Variants in VAT1L observed in about 807,000 individuals in gnomAD.
The protein encoded by VAT1L is putative NADPH-dependent quinone oxidoreductase VAT1L.
VAT1L carries 34 observed loss-of-function variants against 44.1 expected under a neutral mutation model. The observed-to-expected ratio is 0.77, with a 90% CI of 0.59 to 1.03. The LOEUF is 1.03. VAT1L is among the 50% of genes least tolerant of loss of function. VAT1L has a pLI of 0.00. For synonymous variants in VAT1L, 253 were observed against 202.2 expected (o/e 1.25, Z -2.13); for missense variants, 615 against 538.8 (o/e 1.14, Z -1.40).
intron 7 of VAT1L, among the ~76,000 whole-genome samples, chr16:77,946,093 C>G (rs1490197101): frequency 6.6e-6 from 1 of 152,006 alleles, no homozygotes; most frequent in Non-Finnish European, 1.5e-5. Flanking sequence ...AGCTACCACA[C>G]CCGGCCAGGG....
chr16:77,966,853 C>T (rs1299015554), intron 7 of VAT1L, among the ~76,000 whole-genome samples: 1 of 147,302 alleles, frequency 6.8e-6, no homozygotes, highest in Non-Finnish European at 1.5e-5. Flanking sequence ...TGACTAGTGG[C>T]TATAGGATTA....
At chr16:77,900,892 G>A (rs2142475779) in intron 7 of VAT1L, among the ~76,000 whole-genome samples, 1 of 152,106 alleles carries the variant, frequency 6.6e-6, no homozygotes, top group South Asian at 2.1e-4. Flanking sequence ...GAGCCTTTAT[G>A]AGCAAATTAA....
At chr16:77,953,619 C>A (rs560135116) in intron 7 of VAT1L, among the ~76,000 whole-genome samples, 2 of 152,070 alleles carry the variant, frequency 1.3e-5, no homozygotes, top group Admixed American at 6.6e-5. Context: ...CAGCTCACTG[C>A]GGTCTCGAAC....
rs11415182 is a variant in VAT1L at position 77,951,840 on chromosome 16, T to TAA, written c.1078-19998_1078-19997dup. On this transcript the variant is annotated intron_variant, in intron 7 of 8. Coordinates refer to ENST00000302536, the MANE Select transcript of VAT1L (RefSeq NM_020927.3). The stretch of plus-strand genomic sequence containing the variant: ...TTTACAACTTTTAAAAGTTTAAAAT[T>TAA]AAAAAAAAAAAAACACGAAAAAACA... Among the ~76,000 whole-genome samples the TAA allele has an allele frequency of 4.4e-3, 637 of 146,062 alleles. 5 individuals carry two copies. The highest frequency in any genetic ancestry group is 9.1e-3 in the African/African-American group (356 of 39,224).
chr16:77,948,640 ATTTTTTCCTTC>A (rs2142520935), intron 7 of VAT1L, among the ~76,000 whole-genome samples: 1 of 152,058 alleles, frequency 6.6e-6, no homozygotes, highest in South Asian at 2.1e-4. Flanking sequence ...TATTTGGTTG[ATTTTTTCCTTC>A]ATTGCCTTCC....
At chr16:77,886,073 G>C (rs2017206250) in intron 7 of VAT1L, among the ~76,000 whole-genome samples, 1 of 152,180 alleles carries the variant, frequency 6.6e-6, no homozygotes, top group South Asian at 2.1e-4. Flanking sequence ...CCACATTCCA[G>C]AGAAGGATAA....
Position 77,889,489 on chromosome 16 carries a change from G to C in VAT1L, c.1077+4687G>C, listed in dbSNP as rs141972521. 2.0e-3 allele frequency among the ~76,000 whole-genome samples: 303 copies of C among 152,190 alleles called. 1 individual carries two copies. Among genetic ancestry groups the C allele is most frequent in the African/African-American group, 6.8e-3 (282 of 41,540 alleles). ...CAGTGTTGAGAGCCTACTGTGTGCTGTGTGCTAATCCTCTTTTAGGATATT... is the reference window on the plus strand; with the variant it reads ...CAGTGTTGAGAGCCTACTGTGTGCTCTGTGCTAATCCTCTTTTAGGATATT... On this transcript the variant is annotated intron_variant, in intron 7 of 8. Transcript: ENST00000302536.
At chr16:77,847,249 C>T (rs1279639517) in intron 3 of VAT1L, among the ~76,000 whole-genome samples, 4 of 151,612 alleles carry the variant, frequency 2.6e-5, no homozygotes, top group Admixed American at 2.6e-4. Context: ...TAAACTATGA[C>T]TGATGTGCCT....
intron 3 of VAT1L, among the ~76,000 whole-genome samples, chr16:77,833,268 G>A (rs2016600260): frequency 6.6e-6 from 1 of 152,160 alleles, no homozygotes; most frequent in Non-Finnish European, 1.5e-5. Flanking sequence ...TAGTCACATG[G>A]ATAACTTTGC....
chr16:77,841,421 T>C (rs2016704367), intron 3 of VAT1L, among the ~76,000 whole-genome samples: 1 of 152,234 alleles, frequency 6.6e-6, no homozygotes, highest in Non-Finnish European at 1.5e-5. Flanking sequence ...AATGTTCATA[T>C]ATAACTCTCT....
intron 2 of VAT1L, 121 bp downstream of exon 2, chr16:77,817,171 T>C: frequency 7.1e-7 from 1 of 1,401,024 alleles, no homozygotes; most frequent in Non-Finnish European, 9.6e-7. Flanking sequence ...ATTGTCTTCT[T>C]ATTTGGACTG....
intron 8 of VAT1L, among the ~76,000 whole-genome samples, chr16:77,975,248 C>G (rs1222103481): frequency 1.6e-5 from 2 of 126,056 alleles, no homozygotes; most frequent in Non-Finnish European, 3.2e-5. Flanking sequence ...CTCATTCTGT[C>G]ACCCAGGCTG....
intron 7 of VAT1L, among the ~76,000 whole-genome samples, chr16:77,947,447 G>C (rs191784545): frequency 3.3e-5 from 5 of 152,114 alleles, no homozygotes; most frequent in Non-Finnish European, 7.4e-5. Flanking sequence ...GTCTCACCCC[G>C]CCAGCCTCCA....
intron 8 of VAT1L, among the ~76,000 whole-genome samples, chr16:77,976,785 C>G (rs1208460680): frequency 6.6e-6 from 1 of 152,102 alleles, no homozygotes; most frequent in African/African-American, 2.4e-5. Context: ...GTAATGATGG[C>G]GGAAATGAAG....
At chr16:77,938,427 T>C (rs545015746) in intron 7 of VAT1L, among the ~76,000 whole-genome samples, 2 of 152,346 alleles carry the variant, frequency 1.3e-5, no homozygotes, top group African/African-American at 4.8e-5. Context: ...TGTGTCCTCA[T>C]CAAATCTCAT....
rs529530836 is a variant in VAT1L at position 77,791,471 on chromosome 16, G to C, written c.233+2556G>C. ...TGGACCCTTTTTCATTAATGCGCCA[G>C]TGAGATGGGTATTTTTCCTACAGAA... On this transcript the variant is annotated intron_variant, in intron 1 of 8. Transcript: ENST00000302536. Among the ~76,000 whole-genome samples, 48 of 152,322 alleles carry C rather than the reference G, an allele frequency of 3.2e-4. 1 individual carries two copies. Among genetic ancestry groups the C allele is most frequent in the African/African-American group, 1.2e-3 (48 of 41,582 alleles).
At position 77,972,438 on chromosome 16, in the gene VAT1L, C is replaced by T. The variant is rs144914893; in HGVS notation, c.1161+505C>T. Among the ~76,000 whole-genome samples the T allele has an allele frequency of 2.8e-3, 419 of 152,316 alleles. 2 individuals carry two copies. The highest frequency in any genetic ancestry group is 9.0e-3 in the African/African-American group (372 of 41,552). On this transcript the variant is annotated intron_variant, in intron 8 of 8. Transcript: ENST00000302536. ...ACTGAAGTGATCCTCCCACCTCAGC[C>T]TCTTGAGCAGCTGAGACTACAGGAG...
intron 8 of VAT1L, among the ~76,000 whole-genome samples, chr16:77,974,006 C>T (rs951862088): frequency 2.6e-5 from 4 of 152,158 alleles, no homozygotes; most frequent in Admixed American, 6.5e-5. Context: ...CATGAGCCAC[C>T]GCACCCGGCC....
intron 3 of VAT1L, among the ~76,000 whole-genome samples, chr16:77,844,902 T>C (rs1438080060): frequency 6.6e-6 from 1 of 152,104 alleles, no homozygotes; most frequent in Admixed American, 6.5e-5. Flanking sequence ...TCATAGAGAA[T>C]ATCAGGCAGA....
Sources: allele counts gnomAD v4.1 joint callset (sites outside exome capture counted in the v4.1 genomes callset), GRCh38; gene constraint gnomAD v4.1.1; transcripts MANE v1.5; gene names NCBI Gene and HGNC (gene_info 2026-07-23, HGNC 2026-07-21).